The following BAZ2B variants were observed in gnomAD, a reference collection of about 807,000 sequenced individuals.
The protein encoded by BAZ2B is bromodomain adjacent to zinc finger domain protein 2B.
A neutral mutation model predicts 246.0 loss-of-function variants in BAZ2B; 91 were observed. The observed-to-expected ratio is 0.37, with a 90% CI of 0.31 to 0.44. The LOEUF (loss-of-function observed/expected upper bound fraction) is 0.44. Among genes scored for constraint, BAZ2B ranks in the 20% least tolerant of loss-of-function variants. BAZ2B has a pLI of 1.00. For synonymous variants in BAZ2B, 855 were observed against 860.0 expected, an observed-to-expected ratio of 0.99 and a Z score of 0.10; for missense variants, 2,332 against 2,533.7, an observed-to-expected ratio of 0.92 and a Z score of 1.71.
At chr2:159,414,353 T>C (rs982463847) in intron 13 of BAZ2B, among the ~76,000 whole-genome samples, 1 of 152,132 alleles carries the variant, frequency 6.6e-6, no homozygotes, top group Non-Finnish European at 1.5e-5. Context: ...AGATCTAGTA[T>C]TTGATAGCAC....
chr2:159,470,945 C>G (rs1303050711), intron 3 of BAZ2B, among the ~76,000 whole-genome samples: 4 of 149,962 alleles, frequency 2.7e-5, no homozygotes, highest in Admixed American at 2.7e-4. Context: ...TGTATTTAAA[C>G]AAAAAGACAA....
chr2:159,669,107 TA>T, the BAZ2B span, among the ~76,000 whole-genome samples: 21 of 152,082 alleles, frequency 1.4e-4, no homozygotes, highest in South Asian at 4.1e-4. Context: ...TGTCACCCTG[TA>T]AGCACTGCTT....
chr2:159,700,692 G>C, the BAZ2B span, among the ~76,000 whole-genome samples: 1 of 152,148 alleles, frequency 6.6e-6, no homozygotes, highest in African/African-American at 2.4e-5. Flanking sequence ...TGATCTGCCC[G>C]CTTCAGCCTC....
chr2:159,607,487 A>G (rs1173533996), intron 1 of BAZ2B, among the ~76,000 whole-genome samples: 1 of 152,198 alleles, frequency 6.6e-6, no homozygotes, highest in Non-Finnish European at 1.5e-5. Flanking sequence ...GCCTTCACAA[A>G]TAAGCCTATC....
upstream of BAZ2B, among the ~76,000 whole-genome samples, chr2:159,617,279 C>T (rs1696196097): frequency 6.6e-6 from 1 of 151,964 alleles, no homozygotes; most frequent in Non-Finnish European, 1.5e-5. Context: ...ATGGTCTACC[C>T]CCAGAATCTC....
intron 27 of BAZ2B, among the ~76,000 whole-genome samples, chr2:159,370,801 C>CATTT (rs995192250): frequency 2.0e-5 from 3 of 152,028 alleles, no homozygotes; most frequent in African/African-American, 7.2e-5. Flanking sequence ...AAGTATCATT[C>CATTT]ATTTATTTAT....
chr2:159,407,371 T>G (rs1182189248), intron 14 of BAZ2B, among the ~76,000 whole-genome samples: 1 of 151,778 alleles, frequency 6.6e-6, no homozygotes, highest in African/African-American at 2.4e-5. Flanking sequence ...ACTTGGGAGG[T>G]TGAAGCAGAA....
intron 16 of BAZ2B, among the ~76,000 whole-genome samples, chr2:159,401,753 T>A (rs752120072): frequency 2.0e-4 from 31 of 152,160 alleles, no homozygotes; most frequent in Non-Finnish European, 4.0e-4. Context: ...ACTTAAAAAA[T>A]TATCTCATAT....
intron 26 of BAZ2B, among the ~76,000 whole-genome samples, chr2:159,373,770 G>T (rs1400506626): frequency 6.6e-6 from 1 of 152,180 alleles, no homozygotes; most frequent in Non-Finnish European, 1.5e-5. Context: ...GGTCAAGGCT[G>T]CAGTGACCAC....
At chr2:159,496,154 T>C (rs1475889288) in intron 2 of BAZ2B, among the ~76,000 whole-genome samples, 1 of 148,264 alleles carries the variant, frequency 6.7e-6, no homozygotes, top group Admixed American at 6.7e-5. Flanking sequence ...GGTGGGCAGA[T>C]CACGAGGTCA....
chr2:159,582,003 G>A (rs1257331339), intron 1 of BAZ2B, among the ~76,000 whole-genome samples: 1 of 152,032 alleles, frequency 6.6e-6, no homozygotes, highest in Non-Finnish European at 1.5e-5. Flanking sequence ...CACTAACGTG[G>A]CACATGTGTA....
the BAZ2B span, among the ~76,000 whole-genome samples, chr2:159,702,856 G>T: frequency 1.3e-5 from 2 of 151,766 alleles, no homozygotes; most frequent in African/African-American, 2.4e-5. Flanking sequence ...CTGGCTAACA[G>T]AGTGAAACCC....
At chr2:159,352,759 T>C (rs1438952871) in intron 27 of BAZ2B, among the ~76,000 whole-genome samples, 1 of 152,212 alleles carries the variant, frequency 6.6e-6, no homozygotes, top group African/African-American at 2.4e-5. Flanking sequence ...GCTTTGGGAT[T>C]ACAGGCATGA....
intron 27 of BAZ2B, among the ~76,000 whole-genome samples, chr2:159,367,621 CA>C (rs1261630720): frequency 5.9e-5 from 9 of 152,228 alleles, no homozygotes; most frequent in Non-Finnish European, 1.0e-4. Flanking sequence ...CACAGTGGCT[CA>C]CACCTGTAAT....
At chr2:159,508,059 T>C (rs1559647671) in intron 2 of BAZ2B, among the ~76,000 whole-genome samples, 1 of 152,022 alleles carries the variant, frequency 6.6e-6, no homozygotes. Flanking sequence ...TTAGCAGAGA[T>C]GGGGTTTCGT....
At chr2:159,407,356 C>T (rs2149834278) in intron 14 of BAZ2B, among the ~76,000 whole-genome samples, 1 of 152,080 alleles carries the variant, frequency 6.6e-6, no homozygotes, top group Non-Finnish European at 1.5e-5. Context: ...CCTGTCATCC[C>T]AGTTACTTGG....
chr2:159,361,038 T>G (rs764143782), intron 27 of BAZ2B, among the ~76,000 whole-genome samples: 1 of 152,024 alleles, frequency 6.6e-6, no homozygotes, highest in African/African-American at 2.4e-5. Flanking sequence ...GACATAGGCA[T>G]GGGCAAGGAC....
At chr2:159,399,044 C>T in intron 17 of BAZ2B, 150 bp from the exon 18 acceptor site, 1 of 584,754 alleles carries the variant, frequency 1.7e-6, no homozygotes, top group South Asian at 3.3e-5. Flanking sequence ...CCCCAGTTAA[C>T]ATTATGTTTA....
At chr2:159,565,474 C>T (rs1439405941) in intron 1 of BAZ2B, among the ~76,000 whole-genome samples, 2 of 152,096 alleles carry the variant, frequency 1.3e-5, no homozygotes, top group East Asian at 3.9e-4. Flanking sequence ...TCAGTGATTA[C>T]TAAGCATCTA....
Sources: gnomAD v4.1 joint callset for allele counts (sites outside exome capture counted in the v4.1 genomes callset) on GRCh38, gnomAD v4.1.1 for gene constraint, MANE v1.5 for transcripts, NCBI Gene and HGNC (gene_info 2026-07-23, HGNC 2026-07-21) for gene names.